The following TMPRSS6 variants were observed in gnomAD, a reference collection of about 807,000 sequenced individuals.
TMPRSS6 encodes the protein transmembrane serine protease 6, also known as transmembrane protease serine 6.
In TMPRSS6, 67 loss-of-function variants were observed where a neutral mutation model predicts 101.5. That is an observed-to-expected ratio of 0.66 (90% CI 0.54 to 0.81). The LOEUF is 0.81. Ranked by LOEUF, TMPRSS6 falls within the 30% of genes least tolerant of loss-of-function variation. The pLI is 0.00. For synonymous variants in TMPRSS6, 453 were observed against 464.9 expected (o/e 0.97, Z 0.33); for missense variants, 1,034 against 1,088.7 (o/e 0.95, Z 0.71).
At chr22:37,068,482 G>A (rs1361661413) in intron 16 of TMPRSS6, 1 of 663,818 alleles carries the variant, frequency 1.5e-6, no homozygotes, top group Admixed American at 2.4e-5. Context: ...TGGCCGCCAG[G>A]GACTCTGGTC....
rs145992220 is a variant in TMPRSS6 at position 37,082,819 on chromosome 22, C to G, written c.1196+1476G>C. ...CCCAAAGTCACTCCCCATGTTACCC[C>G]CAACAGCATAGCCCTAGATCATGCC... On this transcript the variant is annotated intron_variant, in intron 10 of 17. Coordinates refer to ENST00000676104, the MANE Select transcript of TMPRSS6 (RefSeq NM_001374504.1). The G allele has an allele frequency of 1.6e-3, 579 of 371,634 alleles. 6 individuals are homozygous for G. Among genetic ancestry groups the G allele is most frequent in the African/African-American group, 0.012 (554 of 47,140 alleles). 23.0% of individuals were successfully genotyped at this position (371,634 alleles called of 1,614,324 possible).
chr22:37,100,913 G>A (rs771551536), intron 2 of TMPRSS6, among the ~76,000 whole-genome samples: 2 of 152,208 alleles, frequency 1.3e-5, no homozygotes, highest in Non-Finnish European at 2.9e-5. Context: ...GGGAGGAAAG[G>A]GCTTCTGGAG....
At chr22:37,066,697 G>T in intron 17 of TMPRSS6, 129 bp downstream of exon 17, 1 of 1,241,222 alleles carries the variant, frequency 8.1e-7, no homozygotes, top group Non-Finnish European at 1.2e-6. Context: ...TAAAGTAGGG[G>T]TGGCCATCAC....
chr22:37,070,363 C>T lies in TMPRSS6; in HGVS notation c.1841+121G>A, dbSNP rs1199213850. The stretch of plus-strand genomic sequence containing the variant: ...GGACTAGAACTCACATCACAGTAGC[C>T]TGTCTGGGGGGTCCACCACCCTTCC... On this transcript the variant is annotated intron_variant, in intron 15 of 17. Transcript: ENST00000676104. 10 of 1,311,060 alleles carry T rather than the reference C, an allele frequency of 7.6e-6. No individual in the cohort carries two copies. The Admixed American group carries it at 1.0e-4, about 14-fold the overall frequency. The allele number at this position is 1,311,060 out of a possible 1,614,324, so 81.2% of individuals were successfully genotyped here. A position where few individuals can be genotyped will look rare whatever the true frequency, so the allele number is the denominator to read the frequency against.
chr22:37,074,234 T>C (rs953523296), intron 12 of TMPRSS6, among the ~76,000 whole-genome samples: 1 of 152,186 alleles, frequency 6.6e-6, no homozygotes, highest in African/African-American at 2.4e-5. Context: ...CCCCCCACCA[T>C]GAACATCTCG....
At chr22:37,076,039 AAAGG>A (rs957606259) in intron 10 of TMPRSS6, among the ~76,000 whole-genome samples, 14 of 149,002 alleles carry the variant, frequency 9.4e-5, no homozygotes, top group African/African-American at 3.6e-4. Flanking sequence ...AGAAAGAAAG[AAAGG>A]GAGAGAGGGA....
chr22:37,092,220 C>G (rs950656685), intron 6 of TMPRSS6, among the ~76,000 whole-genome samples: 3 of 151,984 alleles, frequency 2.0e-5, no homozygotes, highest in Non-Finnish European at 4.4e-5. Flanking sequence ...TTGGGTGTTC[C>G]CCTCCCCCAG....
In TMPRSS6 at chr22:37,070,494, G is replaced by T. The variant is rs1296409125; in HGVS notation, c.1831C>A (p.Gln611Lys). ...RWVITAAHCF[Q>K]EDSMASTVLW... Reference sequence around the variant, plus strand: ...CACCCTCCCGCTCACCTGTCCTCCTGGAAGCAGTGGGCAGCTGTTATCACC... The same window carrying T: ...CACCCTCCCGCTCACCTGTCCTCCTTGAAGCAGTGGGCAGCTGTTATCACC... The change falls in exon 15 of 18, where the codon CAG becomes AAG. Residue 611 changes from glutamine (Q) to lysine (K), a missense_variant. Physicochemically the swap from Gln to Lys is moderately conservative, Grantham distance 53. Coordinates refer to ENST00000676104, the MANE Select transcript of TMPRSS6 (RefSeq NM_001374504.1). 1 of 1,613,468 alleles carries T rather than the reference G, an allele frequency of 6.2e-7. No individual in the cohort carries two copies. Among genetic ancestry groups the T allele is most frequent in the Non-Finnish European group, 8.5e-7 (1 of 1,179,984 alleles).
At chr22:37,090,143 C>A (rs774986981) in intron 6 of TMPRSS6, among the ~76,000 whole-genome samples, 3 of 152,208 alleles carry the variant, frequency 2.0e-5, no homozygotes, top group Non-Finnish European at 2.9e-5. Flanking sequence ...GGCCTGTGGG[C>A]TGGGGGCATC....
rs149203213 is a variant in TMPRSS6, at chr22:37,073,444, A to T, written c.1555+88T>A. 6.3e-4 allele frequency: 511 copies of T among 811,724 alleles called. 1 individual carries two copies. The African/African-American group carries it at 7.9e-3, about 12-fold the overall frequency. 50.3% of individuals were successfully genotyped at this position (811,724 alleles called of 1,614,324 possible). The stretch of plus-strand genomic sequence containing the variant: ...TACAGAGGGGTTGGTGGGTGTTGAG[A>T]GGAGAAGCTAGAAACTTTTGCTGAA... On this transcript the variant is annotated intron_variant, in intron 13 of 17. Transcript: ENST00000676104.
At chr22:37,076,557 T>C (rs1025707240) in intron 10 of TMPRSS6, among the ~76,000 whole-genome samples, 4 of 152,112 alleles carry the variant, frequency 2.6e-5, no homozygotes, top group Non-Finnish European at 5.9e-5. Context: ...CTCCAGGGCA[T>C]GGGCCCAGGG....
chr22:37,084,991 TC>T, intron 8 of TMPRSS6, 152 bp from the exon 9 acceptor site: 1 of 682,032 alleles, frequency 1.5e-6, no homozygotes, highest in Non-Finnish European at 2.7e-6. Context: ...AGTTTCCTCA[TC>T]TGTAAAATGA....
At chr22:37,088,992 C>A (rs1313140107) in intron 7 of TMPRSS6, among the ~76,000 whole-genome samples, 1 of 152,248 alleles carries the variant, frequency 6.6e-6, no homozygotes, top group African/African-American at 2.4e-5. Flanking sequence ...ACCAGTAAGC[C>A]TCTCTGCTCT....
rs1379295612 is a variant in TMPRSS6 at position 37,103,952 on chromosome 22, T to G, written c.-1-534A>C. 6.6e-6 allele frequency among the ~76,000 whole-genome samples: 1 copy of G among 152,194 alleles called. No homozygotes were observed. Among genetic ancestry groups the G allele is most frequent in the Non-Finnish European group, 1.5e-5 (1 of 68,018 alleles). ...GCGCTGGGCCGGGGACCTGCCTTCC[T>G]TCACAGAGTACCGTCTCTCTCACCT... is the stretch of plus-strand genomic sequence containing the variant. On this transcript the variant is annotated intron_variant, in intron 1 of 17. Coordinates refer to ENST00000676104, the MANE Select transcript of TMPRSS6 (RefSeq NM_001374504.1). This position sits in a 1 kb window ranked among gnomAD's most constrained non-coding sequence, Gnocchi z 4.4.
chr22:37,082,783 A>G (rs1928370477), intron 10 of TMPRSS6: 1 of 363,570 alleles, frequency 2.8e-6, no homozygotes, highest in African/African-American at 2.1e-5. Flanking sequence ...TATCACCCCC[A>G]ACAGCACAGG....
intron 16 of TMPRSS6, among the ~76,000 whole-genome samples, chr22:37,067,360 C>T (rs894838123): frequency 2.6e-5 from 4 of 152,142 alleles, no homozygotes; most frequent in South Asian, 2.1e-4. Context: ...ATCCCAGTTA[C>T]TCAGGAGGCT....
intron 15 of TMPRSS6, among the ~76,000 whole-genome samples, chr22:37,070,206 C>A (rs981823783): frequency 3.3e-5 from 5 of 151,970 alleles, no homozygotes; most frequent in African/African-American, 1.2e-4. Context: ...ATAGTAGGAG[C>A]ACAAGTGTTG....
intron 10 of TMPRSS6, chr22:37,082,547 T>TC (rs560888276): frequency 1.6e-3 from 278 of 169,932 alleles, no homozygotes; most frequent in Non-Finnish European, 2.8e-3. Context: ...AAGCCAGCCA[T>TC]CCCCAGCCTA....
intron 5 of TMPRSS6, 37 bp from the exon 6 acceptor site, chr22:37,095,629 C>CAAAAAAAAAA: frequency 8.5e-7 from 1 of 1,176,576 alleles, no homozygotes; most frequent in African/African-American, 1.9e-5. Flanking sequence ...TAAACAAGAA[C>CAAAAAAAAAA]AAAAAAAAAA....
Sources: gnomAD v4.1 joint callset for allele counts (sites outside exome capture counted in the v4.1 genomes callset) on GRCh38, gnomAD v4.1.1 for gene constraint, Gnocchi (gnomAD v3.1) non-coding constraint, MANE v1.5 for transcripts, NCBI Gene and HGNC (gene_info 2026-07-23, HGNC 2026-07-21) for gene names.